PRDM16: variants seen among roughly 807,000 people sequenced by gnomAD.
The protein encoded by PRDM16 is PR/SET domain 16.
Under a neutral mutation model 110.6 loss-of-function variants are expected in PRDM16, and 23 were observed. The observed-to-expected ratio is 0.21, with a 90% CI of 0.15 to 0.29. PRDM16 has a LOEUF of 0.29. Among genes scored for constraint, PRDM16 ranks in the 10% least tolerant of loss-of-function variants. The pLI is 1.00. For synonymous variants in PRDM16, 799 were observed against 781.8 expected, an observed-to-expected ratio of 1.02 and a Z score of -0.37; for missense variants, 1,615 against 1,794.3, an observed-to-expected ratio of 0.90 and a Z score of 1.81.
chr1:3,355,764 G>A (rs1301484686), intron 3 of PRDM16, among the ~76,000 whole-genome samples: 1 of 152,188 alleles, frequency 6.6e-6, no homozygotes, highest in African/African-American at 2.4e-5. Context: ...TTCAGGGGTT[G>A]CGGTCCACTT....
intron 8 of PRDM16, among the ~76,000 whole-genome samples, chr1:3,409,685 C>T (rs1391903331): frequency 2.7e-5 from 4 of 146,510 alleles, no homozygotes; most frequent in African/African-American, 7.6e-5. Flanking sequence ...TGTGTGTGTG[C>T]GTGTGTGTGG....
chr1:3,240,261 A>C (rs905160495), intron 2 of PRDM16, among the ~76,000 whole-genome samples: 14 of 151,916 alleles, frequency 9.2e-5, no homozygotes, highest in African/African-American at 3.1e-4. Context: ...ACAAAAAATA[A>C]AACAAATTAG....
chr1:3,385,648 G>A lies in PRDM16; in HGVS notation c.573+362G>A, dbSNP rs576314706. Among the ~76,000 whole-genome samples the A allele has an allele frequency of 2.6e-5, 4 of 152,332 alleles. No individual in the cohort carries two copies. The South Asian group carries it at 8.3e-4, about 32-fold the overall frequency. On this transcript the variant is annotated intron_variant, in intron 4 of 16. Transcript: ENST00000270722. ...CCCTGAAGGACACGGGAGAAGCATA[G>A]AGCAGGAACAGTCACTGAAAGAATC...
At chr1:3,112,618 G>A (rs544553275) in intron 1 of PRDM16, among the ~76,000 whole-genome samples, 33 of 152,340 alleles carry the variant, frequency 2.2e-4, no homozygotes, top group Non-Finnish European at 4.6e-4. Context: ...TGGAGGGAGC[G>A]TCTGTGGAGC....
At position 3,353,983 on chromosome 1, in the gene PRDM16, G is replaced by A. The variant is rs572431771; in HGVS notation, c.439-31169G>A. Among the ~76,000 whole-genome samples, 1 of 152,198 alleles carries A rather than the reference G, an allele frequency of 6.6e-6. No individual in the cohort carries two copies. The highest frequency in any genetic ancestry group is 1.9e-4 in the East Asian group (1 of 5,188). On this transcript the variant is annotated intron_variant, in intron 3 of 16. Coordinates refer to ENST00000270722, the MANE Select transcript of PRDM16 (RefSeq NM_022114.4). The surrounding 1 kb of genome is among the most constrained non-coding windows in gnomAD (Gnocchi z 5.4). ...CACAGGCCCAAGAGAAAAGGGAAGT[G>A]TGGCCAACTCTGGACTCCCAGTAGC...
At chr1:3,181,550 ACG>A (rs1407719625) in intron 1 of PRDM16, among the ~76,000 whole-genome samples, 23 of 1,356 alleles carry the variant, frequency 0.017, 2 homozygotes, top group Middle Eastern at 0.17. Flanking sequence ...GGTCTTACAC[ACG>A]CAGTCTTACA....
chr1:3,191,665 G>C (rs1405638673), intron 2 of PRDM16, among the ~76,000 whole-genome samples: 1 of 152,204 alleles, frequency 6.6e-6, no homozygotes, highest in African/African-American at 2.4e-5. Context: ...TTGGAATACT[G>C]ATGCTCTTCT....
chr1:3,420,350 T>C (rs1638392557), intron 12 of PRDM16, among the ~76,000 whole-genome samples: 1 of 152,224 alleles, frequency 6.6e-6, no homozygotes, highest in African/African-American at 2.4e-5. Context: ...CCCAGAAGCC[T>C]GCCAAGAGGA....
At chr1:3,141,979 C>T (rs576638173) in intron 1 of PRDM16, among the ~76,000 whole-genome samples, 62 of 152,386 alleles carry the variant, frequency 4.1e-4, no homozygotes, top group South Asian at 3.1e-3. Context: ...TGGTGCACCG[C>T]GTTTCCGAAA....
chr1:3,345,245 T>C (rs1297891149), intron 3 of PRDM16, among the ~76,000 whole-genome samples: 1 of 152,218 alleles, frequency 6.6e-6, no homozygotes, highest in East Asian at 1.9e-4. Flanking sequence ...ACCTGCTTTT[T>C]GTTATTCTCT....
At chr1:3,291,810 C>T (rs997874399) in intron 3 of PRDM16, among the ~76,000 whole-genome samples, 3 of 152,234 alleles carry the variant, frequency 2.0e-5, no homozygotes, top group Non-Finnish European at 2.9e-5. Flanking sequence ...GTTTGAGACC[C>T]ACTGGGTTGG....
At chr1:3,135,839 G>A (rs1004984525) in intron 1 of PRDM16, among the ~76,000 whole-genome samples, 5 of 152,280 alleles carry the variant, frequency 3.3e-5, no homozygotes, top group African/African-American at 9.6e-5. Context: ...TCCCTGGGCC[G>A]GGTCTCCCTG....
At chr1:3,331,330 C>A (rs1393575728) in intron 3 of PRDM16, among the ~76,000 whole-genome samples, 1 of 152,012 alleles carries the variant, frequency 6.6e-6, no homozygotes, top group African/African-American at 2.4e-5. Flanking sequence ...GGGGGCATTC[C>A]TAGCAACCCC....
intron 3 of PRDM16, among the ~76,000 whole-genome samples, chr1:3,322,252 T>C: frequency 6.6e-6 from 1 of 152,092 alleles, no homozygotes; most frequent in African/African-American, 2.4e-5. Flanking sequence ...GCAGTGGTTT[T>C]CTGTCAAAGC....
intron 12 of PRDM16, among the ~76,000 whole-genome samples, chr1:3,421,905 C>A (rs1255490414): frequency 6.6e-6 from 1 of 150,768 alleles, no homozygotes; most frequent in Admixed American, 6.6e-5. Context: ...GATAGGCAGG[C>A]AAACAGACAG....
At chr1:3,128,383 G>T (rs1437352084) in intron 1 of PRDM16, among the ~76,000 whole-genome samples, 1 of 152,140 alleles carries the variant, frequency 6.6e-6, no homozygotes, top group Non-Finnish European at 1.5e-5. Flanking sequence ...AGTATTCGGG[G>T]GTTGCTTCTG....
chr1:3,316,773 C>T (rs909068632), intron 3 of PRDM16, among the ~76,000 whole-genome samples: 2 of 148,682 alleles, frequency 1.3e-5, no homozygotes, highest in African/African-American at 4.9e-5. Flanking sequence ...ACAGGGTAGA[C>T]AGGAAACATT....
At chr1:3,092,106 C>A (rs1214438090) in intron 1 of PRDM16, among the ~76,000 whole-genome samples, 2 of 132,342 alleles carry the variant, frequency 1.5e-5, no homozygotes, top group African/African-American at 6.4e-5. Flanking sequence ...GCCCCCATGT[C>A]ACGGCACTGC....
At chr1:3,373,169 G>A (rs776679070) in intron 3 of PRDM16, among the ~76,000 whole-genome samples, 130 of 152,300 alleles carry the variant, frequency 8.5e-4, no homozygotes, top group Non-Finnish European at 1.4e-3. Context: ...GGAGCACGGG[G>A]GTTAGGGGAG....
Sources: allele counts gnomAD v4.1 joint callset (sites outside exome capture counted in the v4.1 genomes callset), GRCh38; gene constraint gnomAD v4.1.1; non-coding constraint Gnocchi (gnomAD v3.1); transcripts MANE v1.5; gene names NCBI Gene and HGNC (gene_info 2026-07-23, HGNC 2026-07-21).